The following LINGO2 variants were observed in gnomAD, a reference collection of about 807,000 sequenced individuals.
LINGO2 encodes leucine-rich repeat and immunoglobulin-like domain-containing nogo receptor-interacting protein 2.
In LINGO2, 14 loss-of-function variants were observed where a neutral mutation model predicts 30.6. That is an observed-to-expected ratio of 0.46 (90% CI 0.30 to 0.72). The LOEUF is 0.72. LINGO2 is among the 30% of genes least tolerant of loss of function. The pLI is 0.07. For synonymous variants in LINGO2, 317 were observed against 288.5 expected, an observed-to-expected ratio of 1.10 and a Z score of -1.00; for missense variants, 729 against 751.7, an observed-to-expected ratio of 0.97 and a Z score of 0.35.
chr9:28,355,269 CTCTG>C (rs763265125), intron 3 of LINGO2, among the ~76,000 whole-genome samples: 2,300 of 122,650 alleles, frequency 0.019, 112 homozygotes, highest in African/African-American at 0.052. Flanking sequence ...CTGTCTCTCT[CTCTG>C]TCTCTGTCTC....
At chr9:29,127,841 CT>C in the LINGO2 span, among the ~76,000 whole-genome samples, 1 of 152,108 alleles carries the variant, frequency 6.6e-6, no homozygotes, top group Non-Finnish European at 1.5e-5. Flanking sequence ...CCAGGGTGAA[CT>C]TGCATGTGTT....
chr9:28,307,198 G>A (rs528878604), intron 3 of LINGO2, among the ~76,000 whole-genome samples: 4 of 152,220 alleles, frequency 2.6e-5, no homozygotes, highest in Admixed American at 6.5e-5. Context: ...CTGGGAAACC[G>A]AATCCAGCAA....
At chr9:29,072,276 G>A in the LINGO2 span, among the ~76,000 whole-genome samples, 1 of 151,994 alleles carries the variant, frequency 6.6e-6, no homozygotes, top group Non-Finnish European at 1.5e-5. Context: ...CTTGATATAT[G>A]TAATAGAATA....
chr9:28,410,803 T>C (rs1822730528), intron 2 of LINGO2, among the ~76,000 whole-genome samples: 1 of 152,172 alleles, frequency 6.6e-6, no homozygotes, highest in African/African-American at 2.4e-5. Context: ...ATTCTGATCA[T>C]TTTTATTCTG....
chr9:28,649,866 G>A (rs10968702), intron 1 of LINGO2, among the ~76,000 whole-genome samples: 19,860 of 151,984 alleles, frequency 0.13, 1,702 homozygotes, highest in African/African-American at 0.24. Context: ...AGAGAGTGCA[G>A]AAAGGCTGAA....
At chr9:27,943,015 T>A in the LINGO2 span, 1 of 152,194 alleles carries the variant, frequency 6.6e-6, no homozygotes, top group South Asian at 2.1e-4. Context: ...TCTCTTGTTA[T>A]CACACAGATA....
chr9:28,104,194 A>G (rs775639006), intron 4 of LINGO2, among the ~76,000 whole-genome samples: 18 of 151,294 alleles, frequency 1.2e-4, no homozygotes. Context: ...AGTAAAGAAG[A>G]AAAGCTGCCT....
intron 3 of LINGO2, among the ~76,000 whole-genome samples, chr9:28,354,777 C>T (rs1042427656): frequency 1.3e-5 from 2 of 152,086 alleles, no homozygotes; most frequent in Non-Finnish European, 2.9e-5. Flanking sequence ...ATACAGAAAA[C>T]TCTTTTAATA....
the LINGO2 span, among the ~76,000 whole-genome samples, chr9:29,067,003 G>A: frequency 0.041 from 6,190 of 151,804 alleles, 192 homozygotes; most frequent in Admixed American, 0.08. Flanking sequence ...ACTGGAATAA[G>A]GGTAACTATA....
chr9:28,196,939 G>A (rs537250016), intron 4 of LINGO2, among the ~76,000 whole-genome samples: 1 of 151,960 alleles, frequency 6.6e-6, no homozygotes, highest in East Asian at 1.9e-4. Flanking sequence ...ATGATTAATG[G>A]GTACAAAACT....
intron 1 of LINGO2, among the ~76,000 whole-genome samples, chr9:28,552,550 G>T (rs917881859): frequency 2.0e-5 from 3 of 151,712 alleles, no homozygotes; most frequent in Non-Finnish European, 4.4e-5. Context: ...TCTTAAGATG[G>T]ATCTATTGCT....
intron 3 of LINGO2, among the ~76,000 whole-genome samples, chr9:28,352,874 C>A (rs1289212411): frequency 1.1e-4 from 16 of 149,646 alleles, no homozygotes; most frequent in African/African-American, 3.7e-4. Flanking sequence ...TGATCTTTGA[C>A]AAACCTGAGA....
intron 1 of LINGO2, among the ~76,000 whole-genome samples, chr9:28,640,758 G>T (rs1052900476): frequency 3.9e-5 from 6 of 151,914 alleles, no homozygotes; most frequent in South Asian, 2.1e-4. Context: ...TAACTTCTTT[G>T]CCATGGGTTC....
chr9:28,484,986 C>T (rs1203316732), intron 1 of LINGO2, among the ~76,000 whole-genome samples: 1 of 152,072 alleles, frequency 6.6e-6, no homozygotes, highest in Admixed American at 6.6e-5. Flanking sequence ...TCCCCTCAAA[C>T]AGCTCAGTAA....
intron 5 of LINGO2, among the ~76,000 whole-genome samples, chr9:27,986,603 G>A (rs1821135741): frequency 6.6e-6 from 1 of 151,848 alleles, no homozygotes; most frequent in African/African-American, 2.4e-5. Context: ...GCACGAGAAT[G>A]CACAGGAAAG....
chr9:28,495,090 T>G lies in LINGO2; in HGVS notation c.-364-19065A>C, dbSNP rs1222145331. Among the ~76,000 whole-genome samples the G allele has an allele frequency of 1.1e-4, 17 of 152,334 alleles. No homozygotes were observed. In the East Asian group the frequency reaches 1.2e-3, roughly 10 times the overall value. On this transcript the variant is annotated intron_variant, in intron 1 of 5. Transcript: ENST00000379992. Reference sequence around the variant, plus strand: ...GTTTGTTTTTTCTTGTAAATTTGTTTGAGTCCTTTGTAGATTCTGGATATT... The same window carrying G: ...GTTTGTTTTTTCTTGTAAATTTGTTGGAGTCCTTTGTAGATTCTGGATATT...
chr9:28,111,921 T>C (rs1826806298), intron 4 of LINGO2, among the ~76,000 whole-genome samples: 1 of 151,614 alleles, frequency 6.6e-6, no homozygotes, highest in South Asian at 2.1e-4. Context: ...ATTTATTTTT[T>C]ATTATACTCT....
chr9:28,782,177 G>A, the LINGO2 span, among the ~76,000 whole-genome samples: 36,155 of 151,994 alleles, frequency 0.24, 5,109 homozygotes, highest in East Asian at 0.41. Flanking sequence ...CATTAATGAC[G>A]AAATATTTTA....
the LINGO2 span, among the ~76,000 whole-genome samples, chr9:28,715,537 A>G: frequency 6.6e-6 from 1 of 152,080 alleles, no homozygotes; most frequent in Non-Finnish European, 1.5e-5. Context: ...AAGGATGAAT[A>G]AGTTATTTGT....
Sources: allele counts gnomAD v4.1 joint callset (sites outside exome capture counted in the v4.1 genomes callset), GRCh38; gene constraint gnomAD v4.1.1; transcripts MANE v1.5; gene names NCBI Gene and HGNC (gene_info 2026-07-23, HGNC 2026-07-21).